ARL15: variants seen among roughly 807,000 people sequenced by gnomAD.
ARL15 encodes the protein ADP-ribosylation factor-like protein 15.
Under a neutral mutation model 25.2 loss-of-function variants are expected in ARL15, and 19 were observed. The observed-to-expected ratio is 0.75, with a 90% CI of 0.53 to 1.10. ARL15 has a LOEUF of 1.10. Ranked by LOEUF, ARL15 falls within the 50% of genes least tolerant of loss-of-function variation. The pLI is 0.00. For synonymous variants in ARL15, 94 were observed against 86.8 expected, an observed-to-expected ratio of 1.08 and a Z score of -0.46; for missense variants, 220 against 246.0, an observed-to-expected ratio of 0.89 and a Z score of 0.71.
chr5:54,238,144 CCT>C (rs1756860278), intron 1 of ARL15, among the ~76,000 whole-genome samples: 1 of 152,262 alleles, frequency 6.6e-6, no homozygotes, highest in African/African-American at 2.4e-5. Flanking sequence ...TTACCCCACC[CCT>C]GAGTTTAACA....
intron 1 of ARL15, among the ~76,000 whole-genome samples, chr5:54,189,964 T>C (rs1755349332): frequency 6.6e-6 from 1 of 152,056 alleles, no homozygotes; most frequent in South Asian, 2.1e-4. Flanking sequence ...CTCCTAAAAC[T>C]GAACAATAAA....
intron 1 of ARL15, among the ~76,000 whole-genome samples, chr5:54,237,508 C>T (rs1421832987): frequency 6.6e-6 from 1 of 152,002 alleles, no homozygotes; most frequent in African/African-American, 2.4e-5. Flanking sequence ...TCAATATAGA[C>T]ACCAAAAAGG....
At chr5:54,193,825 C>T (rs866655046) in intron 1 of ARL15, among the ~76,000 whole-genome samples, 1 of 151,228 alleles carries the variant, frequency 6.6e-6, no homozygotes, top group African/African-American at 2.4e-5. Context: ...CCTGAAATAG[C>T]TCACATGGCT....
intron 4 of ARL15, among the ~76,000 whole-genome samples, chr5:53,918,235 G>A (rs1351417973): frequency 6.6e-6 from 1 of 152,194 alleles, no homozygotes; most frequent in Non-Finnish European, 1.5e-5. Flanking sequence ...GCCCAGGCTG[G>A]AGCGCAGTGG....
At chr5:54,277,545 A>G (rs1395605021) in intron 1 of ARL15, among the ~76,000 whole-genome samples, 1 of 152,068 alleles carries the variant, frequency 6.6e-6, no homozygotes, top group African/African-American at 2.4e-5. Flanking sequence ...AGGTCAGGAG[A>G]TTGAGACCAT....
intron 4 of ARL15, among the ~76,000 whole-genome samples, chr5:53,934,295 C>CT (rs1293402564): frequency 1.3e-5 from 2 of 152,172 alleles, no homozygotes; most frequent in Non-Finnish European, 2.9e-5. Context: ...TTCCCGGATG[C>CT]TGGGAAAGCT....
intron 4 of ARL15, among the ~76,000 whole-genome samples, chr5:53,938,853 T>C (rs547381384): frequency 1.3e-4 from 20 of 152,036 alleles, no homozygotes; most frequent in Non-Finnish European, 2.5e-4. Flanking sequence ...CAAAAATAAA[T>C]AAATAAATAA....
chr5:54,138,840 T>C (rs1753682929), intron 3 of ARL15, among the ~76,000 whole-genome samples: 1 of 151,558 alleles, frequency 6.6e-6, no homozygotes, highest in Non-Finnish European at 1.5e-5. Flanking sequence ...AACAATCCTA[T>C]CAAAAAATAG....
At chr5:53,887,209 TTC>T (rs369904157) in intron 4 of ARL15, among the ~76,000 whole-genome samples, 24 of 152,308 alleles carry the variant, frequency 1.6e-4, no homozygotes, top group African/African-American at 5.5e-4. Context: ...AATAATCTTC[TTC>T]TCTTTCTCTC....
chr5:54,199,451 GA>G (rs1369763053), intron 1 of ARL15, among the ~76,000 whole-genome samples: 4 of 151,232 alleles, frequency 2.6e-5, no homozygotes, highest in African/African-American at 9.7e-5. Context: ...AAATTTACAA[GA>G]AAAAAACAAC....
intron 2 of ARL15, among the ~76,000 whole-genome samples, chr5:54,156,973 G>A (rs1406769197): frequency 6.6e-6 from 1 of 152,204 alleles, no homozygotes; most frequent in East Asian, 1.9e-4. Flanking sequence ...TTGGATGCCT[G>A]AATGTATCTA....
intron 1 of ARL15, among the ~76,000 whole-genome samples, chr5:54,190,094 T>G (rs965392078): frequency 6.6e-6 from 1 of 152,014 alleles, no homozygotes; most frequent in Non-Finnish European, 1.5e-5. Flanking sequence ...AAAATACAAA[T>G]CAAAACTACA....
At chr5:54,231,975 C>A (rs1272887171) in intron 1 of ARL15, among the ~76,000 whole-genome samples, 1 of 152,170 alleles carries the variant, frequency 6.6e-6, no homozygotes, top group Non-Finnish European at 1.5e-5. Flanking sequence ...CAAGTGAAGG[C>A]CTGACCACTT....
intron 4 of ARL15, among the ~76,000 whole-genome samples, chr5:54,079,998 CACACACACACACACACACAG>C (rs1211134353): frequency 2.9e-5 from 4 of 138,794 alleles, no homozygotes; most frequent in Non-Finnish European, 6.1e-5. Context: ...CACACACACA[CACACACACACACACACACAG>C]ACACAGATGT....
intron 4 of ARL15, among the ~76,000 whole-genome samples, chr5:54,020,791 T>TAAA (rs146286288): frequency 0.5 from 73,565 of 146,836 alleles, 18,888 homozygotes; most frequent in Admixed American, 0.57. Flanking sequence ...TAATAAAAAT[T>TAAA]AAAAGAAAAA....
intron 4 of ARL15, among the ~76,000 whole-genome samples, chr5:54,095,908 A>C (rs998709471): frequency 2.4e-4 from 36 of 152,166 alleles, no homozygotes; most frequent in Admixed American, 2.2e-3. Context: ...CAAATAATAA[A>C]ATGTTTTTGT....
intron 1 of ARL15, among the ~76,000 whole-genome samples, chr5:54,224,023 C>A (rs1378231717): frequency 6.6e-6 from 1 of 152,164 alleles, no homozygotes; most frequent in Non-Finnish European, 1.5e-5. Context: ...CACAAACAGA[C>A]ATGCCAGAGC....
At chr5:54,089,611 A>C (rs1752072599) in intron 4 of ARL15, among the ~76,000 whole-genome samples, 1 of 152,200 alleles carries the variant, frequency 6.6e-6, no homozygotes, top group South Asian at 2.1e-4. Flanking sequence ...CTTAAAGGAA[A>C]AATGTTGAAA....
intron 4 of ARL15, among the ~76,000 whole-genome samples, chr5:53,991,563 G>GAAAAAAAAAAAAA (rs771075344): frequency 2.3e-5 from 3 of 127,928 alleles, no homozygotes; most frequent in Non-Finnish European, 3.2e-5. Flanking sequence ...AAAAAAAAAG[G>GAAAAAAAAAAAAA]GGGGGCGGGG....
Sources: allele counts gnomAD v4.1 joint callset (sites outside exome capture counted in the v4.1 genomes callset), GRCh38; gene constraint gnomAD v4.1.1; transcripts MANE v1.5; gene names NCBI Gene and HGNC (gene_info 2026-07-23, HGNC 2026-07-21).